Variants in GALNTL6 observed in about 807,000 individuals in gnomAD.
GALNTL6 encodes the protein polypeptide N-acetylgalactosaminyltransferase-like 6.
A neutral mutation model predicts 73.7 loss-of-function variants in GALNTL6; 46 were observed. The ratio of observed to expected loss-of-function variants is 0.62; its 90% CI spans 0.49 to 0.80. GALNTL6 has a LOEUF of 0.80. Ranked by LOEUF, GALNTL6 falls within the 30% of genes least tolerant of loss-of-function variation. GALNTL6 has a pLI of 0.00. For missense variants in GALNTL6, 604 were observed against 755.0 expected, an observed-to-expected ratio of 0.80 and a Z score of 2.34; for synonymous variants, 259 against 263.7, an observed-to-expected ratio of 0.98 and a Z score of 0.17.
In GALNTL6 at chr4:172,829,450, T is replaced by C. The variant is rs578049677; in HGVS notation, c.923+15727T>C. ...TGATATCCATGTTTGAGCAGCACAA[T>C]GAAAGAAGAAGGTAAAATATTTACT... On this transcript the variant is annotated intron_variant, in intron 7 of 12. Transcript: ENST00000506823. Among the ~76,000 whole-genome samples the C allele has an allele frequency of 3.9e-5, 6 of 152,268 alleles. No homozygotes were observed. In the East Asian group the frequency reaches 5.8e-4, roughly 15 times the overall value.
At chr4:172,014,386 A>C (rs932623280) in intron 2 of GALNTL6, among the ~76,000 whole-genome samples, 1 of 152,036 alleles carries the variant, frequency 6.6e-6, no homozygotes, top group Non-Finnish European at 1.5e-5. Context: ...AGCATTTATT[A>C]GTACCTGTCT....
At chr4:172,367,196 G>C (rs61136358) in intron 5 of GALNTL6, among the ~76,000 whole-genome samples, 3,737 of 152,208 alleles carry the variant, frequency 0.025, 157 homozygotes, top group African/African-American at 0.084. Context: ...GGCATCACGC[G>C]TTTTGATCTC....
At chr4:172,208,504 C>T (rs910893951) in intron 2 of GALNTL6, among the ~76,000 whole-genome samples, 2 of 152,078 alleles carry the variant, frequency 1.3e-5, no homozygotes, top group Non-Finnish European at 2.9e-5. Flanking sequence ...CTGCTGAAGG[C>T]CTTCTCACAT....
chr4:172,121,981 C>G (rs1248394392), intron 2 of GALNTL6, among the ~76,000 whole-genome samples: 1 of 150,838 alleles, frequency 6.6e-6, no homozygotes, highest in East Asian at 1.9e-4. Context: ...ACCACGTGGC[C>G]TATTTTCTTA....
Position 172,507,245 on chromosome 4 carries a change from A to G in GALNTL6, c.553+158556A>G, listed in dbSNP as rs549125448. Among the ~76,000 whole-genome samples the G allele has an allele frequency of 2.9e-3, 159 of 54,902 alleles. 65 individuals are homozygous for G. Among genetic ancestry groups the G allele is most frequent in the African/African-American group, 6.8e-3 (150 of 21,944 alleles). 36.0% of individuals were successfully genotyped at this position (54,902 alleles called of 152,430 possible). A position where few individuals can be genotyped will look rare whatever the true frequency, so the allele number is the denominator to read the frequency against. ...AAGTCAGATAATTTCTTTATAGCCA[A>G]ATTTTACAAAGGATCTGGGGAAAAT... is the stretch of plus-strand genomic sequence containing the variant. On this transcript the variant is annotated intron_variant, in intron 5 of 12. Transcript: ENST00000506823.
rs116165708 is a variant in GALNTL6 at position 172,926,278 on chromosome 4, G to A, written c.1042-4883G>A. ...CCCTCATAACTTAATCACCTCCCAA[G>A]GACCCTACCTCTGAATACCACCACA... On this transcript the variant is annotated intron_variant, in intron 8 of 12. Coordinates refer to ENST00000506823, the MANE Select transcript of GALNTL6 (RefSeq NM_001034845.3). 7.4e-3 allele frequency among the ~76,000 whole-genome samples: 1,132 copies of A among 152,140 alleles called. 16 individuals are homozygous for A. Among genetic ancestry groups the A allele is most frequent in the African/African-American group, 0.024 (976 of 41,494 alleles).
chr4:172,191,975 A>G (rs1013934274), intron 2 of GALNTL6, among the ~76,000 whole-genome samples: 1 of 151,016 alleles, frequency 6.6e-6, no homozygotes, highest in African/African-American at 2.5e-5. Context: ...AATTGATGTT[A>G]CCTATTTCTG....
chr4:172,909,658 CTT>C (rs1398137056), intron 8 of GALNTL6, among the ~76,000 whole-genome samples: 1 of 152,098 alleles, frequency 6.6e-6, no homozygotes, highest in Non-Finnish European at 1.5e-5. Context: ...GAAATAGACA[CTT>C]TCAAATACAG....
At chr4:172,776,115 C>T (rs10029787) in intron 5 of GALNTL6, among the ~76,000 whole-genome samples, 78,967 of 152,068 alleles carry the variant, frequency 0.52, 21,359 homozygotes, top group East Asian at 0.78. Flanking sequence ...TCCTGGCCCA[C>T]GGAAACTGAG....
At chr4:172,361,746 T>C (rs1032515329) in intron 5 of GALNTL6, among the ~76,000 whole-genome samples, 2 of 152,144 alleles carry the variant, frequency 1.3e-5, no homozygotes, top group Non-Finnish European at 2.9e-5. Context: ...TCCAATCAAA[T>C]AACCAATGAC....
At chr4:172,736,253 G>A (rs1050865625) in intron 5 of GALNTL6, among the ~76,000 whole-genome samples, 3 of 152,168 alleles carry the variant, frequency 2.0e-5, no homozygotes, top group Non-Finnish European at 4.4e-5. Context: ...ATCTACAACT[G>A]CATAAGACAG....
chr4:171,865,765 T>C (rs2110886295), intron 2 of GALNTL6, among the ~76,000 whole-genome samples: 1 of 152,324 alleles, frequency 6.6e-6, no homozygotes, highest in African/African-American at 2.4e-5. Flanking sequence ...AACTTCAATA[T>C]GCAAAATTCA....
intron 2 of GALNTL6, among the ~76,000 whole-genome samples, chr4:172,000,967 A>G (rs2110758526): frequency 6.6e-6 from 1 of 152,308 alleles, no homozygotes; most frequent in Non-Finnish European, 1.5e-5. Context: ...AGAAGGCAGA[A>G]AGTTGTTGAG....
chr4:171,983,464 TTTTATTTATTTATTTA>T (rs3081370), intron 2 of GALNTL6, among the ~76,000 whole-genome samples: 187 of 141,154 alleles, frequency 1.3e-3, no homozygotes, highest in Non-Finnish European at 1.7e-3. Flanking sequence ...GGCATCTTGA[TTTTATTTATTTATTTA>T]TTTATTTATT....
At position 171,905,023 on chromosome 4, in the gene GALNTL6, C is replaced by T. The variant is rs183864635; in HGVS notation, c.138+90305C>T. 1.7e-3 allele frequency among the ~76,000 whole-genome samples: 266 copies of T among 152,220 alleles called. 2 individuals carry two copies. Among genetic ancestry groups the T allele is most frequent in the Admixed American group, 9.8e-3 (149 of 15,276 alleles). Reference sequence around the variant, plus strand: ...TAAACATGGAAAGGAACAACCGATACGAGCCACTGCAAAATCATGCCAAAA... The same window carrying T: ...TAAACATGGAAAGGAACAACCGATATGAGCCACTGCAAAATCATGCCAAAA... On this transcript the variant is annotated intron_variant, in intron 2 of 12. Transcript: ENST00000506823.
intron 3 of GALNTL6, among the ~76,000 whole-genome samples, chr4:172,304,475 G>C (rs1422413589): frequency 6.6e-6 from 1 of 151,564 alleles, no homozygotes; most frequent in Non-Finnish European, 1.5e-5. Context: ...TGGGTATGCT[G>C]GTTTAATTGT....
chr4:172,099,745 T>G (rs1260831004), intron 2 of GALNTL6, among the ~76,000 whole-genome samples: 1 of 152,176 alleles, frequency 6.6e-6, no homozygotes, highest in Non-Finnish European at 1.5e-5. Context: ...ATCTAGGAAT[T>G]AAAATCTCTA....
chr4:172,588,625 A>G (rs1232551456), intron 5 of GALNTL6, among the ~76,000 whole-genome samples: 1 of 152,146 alleles, frequency 6.6e-6, no homozygotes, highest in Admixed American at 6.5e-5. Flanking sequence ...AACTAAGAAC[A>G]TCTTGGTTTT....
At chr4:172,320,484 C>G (rs1413582343) in intron 4 of GALNTL6, among the ~76,000 whole-genome samples, 1 of 152,082 alleles carries the variant, frequency 6.6e-6, no homozygotes, top group South Asian at 2.1e-4. Context: ...CCTAAGGTCA[C>G]GCTGAAAAAG....
Sources: gnomAD v4.1 joint callset for allele counts (sites outside exome capture counted in the v4.1 genomes callset) on GRCh38, gnomAD v4.1.1 for gene constraint, MANE v1.5 for transcripts, NCBI Gene and HGNC (gene_info 2026-07-23, HGNC 2026-07-21) for gene names.